ULK4: variants seen among roughly 807,000 people sequenced by gnomAD.
The protein encoded by ULK4 is inactive serine/threonine-protein kinase ULK4.
ULK4 carries 133 observed loss-of-function variants against 160.6 expected under a neutral mutation model. The observed-to-expected ratio is 0.83, with a 90% CI of 0.72 to 0.96. The LOEUF is 0.96. ULK4 is among the 40% of genes least tolerant of loss of function. The pLI, the probability that ULK4 is intolerant of heterozygous loss-of-function variation, is 0.00. For synonymous variants in ULK4, 534 were observed against 539.8 expected (o/e 0.99, Z 0.15); for missense variants, 1,580 against 1,499.5 (o/e 1.05, Z -0.89).
chr3:41,458,152 T>C lies in ULK4; in HGVS notation c.3394-2557A>G, dbSNP rs548042349. On this transcript the variant is annotated intron_variant, in intron 33 of 36. Transcript: ENST00000301831. ...TCTATGGGGCATTCTAGAGGTCATATTGAGCAAGCTGCTAGGTATATGAAT... is the reference window on the plus strand; with the variant it reads ...TCTATGGGGCATTCTAGAGGTCATACTGAGCAAGCTGCTAGGTATATGAAT... Among the ~76,000 whole-genome samples the C allele has an allele frequency of 8.5e-5, 13 of 152,310 alleles. No individual in the cohort carries two copies. The East Asian group carries it at 1.5e-3, about 18-fold the overall frequency.
intron 32 of ULK4, among the ~76,000 whole-genome samples, chr3:41,489,313 C>T (rs2084662149): frequency 6.6e-6 from 1 of 152,206 alleles, no homozygotes; most frequent in South Asian, 2.1e-4. Flanking sequence ...TTATTTCTCA[C>T]TGCCCTGCTG....
intron 35 of ULK4, among the ~76,000 whole-genome samples, chr3:41,393,885 C>A (rs2082003946): frequency 6.6e-6 from 1 of 152,104 alleles, no homozygotes; most frequent in Admixed American, 6.6e-5. Context: ...CTGGAGCAAT[C>A]CAACCTGGGC....
chr3:41,741,118 C>T (rs1401600298), intron 22 of ULK4, among the ~76,000 whole-genome samples: 1 of 151,820 alleles, frequency 6.6e-6, no homozygotes, highest in African/African-American at 2.4e-5. Flanking sequence ...CTAACATTTC[C>T]TTTAGTTTGT....
chr3:41,794,689 C>A (rs148121760), intron 20 of ULK4, among the ~76,000 whole-genome samples: 3,068 of 46,746 alleles, frequency 0.066, 74 homozygotes, highest in Middle Eastern at 0.17. Flanking sequence ...AAAAAAAACA[C>A]AGAAAAAAAA....
intron 35 of ULK4, among the ~76,000 whole-genome samples, chr3:41,329,077 C>T (rs1559527343): frequency 1.3e-5 from 2 of 152,188 alleles, no homozygotes; most frequent in Admixed American, 6.5e-5. Flanking sequence ...TCACTGATAT[C>T]TTCTCTGTCT....
At chr3:41,315,890 A>T (rs1183137972) in intron 35 of ULK4, among the ~76,000 whole-genome samples, 1 of 152,170 alleles carries the variant, frequency 6.6e-6, no homozygotes, top group Non-Finnish European at 1.5e-5. Context: ...ACAGTAACAA[A>T]TGTTGGGGAT....
At chr3:41,615,848 C>T (rs2032936541) in intron 30 of ULK4, 131 bp from the exon 31 acceptor site, 3 of 838,952 alleles carry the variant, frequency 3.6e-6, no homozygotes, top group African/African-American at 1.7e-5. Flanking sequence ...TATGATTAAA[C>T]ATTCTTTTTA....
chr3:41,302,558 C>T (rs750057374), intron 35 of ULK4, among the ~76,000 whole-genome samples: 3 of 152,244 alleles, frequency 2.0e-5, no homozygotes, highest in East Asian at 1.9e-4. Context: ...ATGAAAACTC[C>T]GCATGTTGTA....
rs191801645 is a variant in ULK4 at position 41,823,158 on chromosome 3, G to A, written c.1765-3652C>T. Among the ~76,000 whole-genome samples the A allele has an allele frequency of 9.2e-5, 14 of 152,296 alleles. No individual in the cohort carries two copies. In the East Asian group the frequency reaches 2.7e-3, roughly 29 times the overall value. ...TCCATCTCAGATCACTCAGAGACAG[G>A]GAAAGGCTTTCTGAAGGGATTTTTG... On this transcript the variant is annotated intron_variant, in intron 18 of 36. Transcript: ENST00000301831.
Position 41,754,352 on chromosome 3 carries a change from A to C in ULK4, c.2321+9T>G, listed in dbSNP as rs532779823. The stretch of plus-strand genomic sequence containing the variant: ...AAGTTACTGATGAAACCATCAGAGA[A>C]AATCTTACCTTGCTTGGCAACTGAG... On this transcript the variant is annotated intron_variant, in intron 22 of 36. Coordinates refer to ENST00000301831, the MANE Select transcript of ULK4 (RefSeq NM_017886.4). 2 of 1,607,894 alleles carry C rather than the reference A, an allele frequency of 1.2e-6. No individual in the cohort carries two copies. Among genetic ancestry groups the C allele is most frequent in the African/African-American group, 2.7e-5 (2 of 74,610 alleles).
intron 19 of ULK4, among the ~76,000 whole-genome samples, chr3:41,807,765 C>T (rs1458966390): frequency 6.6e-6 from 1 of 152,136 alleles, no homozygotes; most frequent in Non-Finnish European, 1.5e-5. Context: ...ACACATTTTT[C>T]ATTTCTCAGA....
At chr3:41,261,206 C>T (rs186890534) in intron 35 of ULK4, among the ~76,000 whole-genome samples, 23 of 149,606 alleles carry the variant, frequency 1.5e-4, no homozygotes, top group African/African-American at 5.0e-4. Flanking sequence ...TGGAGTAAAA[C>T]GGCTTGGGAT....
At chr3:41,818,885 T>C (rs1422427214) in intron 19 of ULK4, among the ~76,000 whole-genome samples, 1 of 152,244 alleles carries the variant, frequency 6.6e-6, no homozygotes, top group Non-Finnish European at 1.5e-5. Context: ...GATGAGCTGG[T>C]TGGTTGGCCA....
chr3:41,838,864 C>T (rs1311133224), intron 17 of ULK4, among the ~76,000 whole-genome samples: 1 of 152,072 alleles, frequency 6.6e-6, no homozygotes, highest in Non-Finnish European at 1.5e-5. Flanking sequence ...ATGTGAAATC[C>T]AAAAAAGTGA....
rs76223248 is a variant in ULK4, at chr3:41,776,633, G to C, written c.2193+13028C>G. 1.9e-3 allele frequency among the ~76,000 whole-genome samples: 215 copies of C among 113,542 alleles called. 18 individuals are homozygous for C. Among genetic ancestry groups the C allele is most frequent in the East Asian group, 0.012 (61 of 5,140 alleles). The allele number at this position is 113,542 out of a possible 152,430, so 74.5% of individuals were successfully genotyped here. A position where few individuals can be genotyped will look rare whatever the true frequency, so the allele number is the denominator to read the frequency against. On this transcript the variant is annotated intron_variant, in intron 21 of 36. Transcript: ENST00000301831. ...TTTATTGAAAGTTTTTAGCATGAAG[G>C]GTTGTTGAATTTTGTCAAAGGCTTT... is the stretch of plus-strand genomic sequence containing the variant.
rs11304353 is a variant in ULK4, at chr3:41,676,908, C to CTTTTTTTT, written c.2978+4592_2978+4599dup. On this transcript the variant is annotated intron_variant, in intron 29 of 36. Transcript: ENST00000301831. ...TGGGGTGCCTGCCCCCACCCCCAAC[C>CTTTTTTTT]TTTTTTTTTTTTTTTTTTTTTGAGA... 3.6e-3 allele frequency among the ~76,000 whole-genome samples: 327 copies of CTTTTTTTT among 91,262 alleles called. 12 individuals carry two copies. Among genetic ancestry groups the CTTTTTTTT allele is most frequent in the African/African-American group, 0.013 (309 of 23,002 alleles). 59.9% of individuals were successfully genotyped at this position (91,262 alleles called of 152,430 possible). A position where few individuals can be genotyped will look rare whatever the true frequency, so the allele number is the denominator to read the frequency against.
rs200243418 is a variant in ULK4 at position 41,463,230 on chromosome 3, G to A, written c.3250C>T (p.Leu1084=). ...CACAGTGTGGCAGTTTCAGTGAGCA[G>A]GTTACAGATGTGACTGACAAGTCCT... The part of the protein sequence containing the change: ...EQGLVSHICN[L]LTETATLCLD... Residue 1084 remains leucine, a synonymous_variant, in exon 33 of 37, where the codon CTG becomes TTG. Coordinates refer to ENST00000301831, the MANE Select transcript of ULK4 (RefSeq NM_017886.4). 4.0e-5 allele frequency: 65 copies of A among 1,613,354 alleles called. No homozygotes were observed. The highest frequency in any genetic ancestry group is 3.3e-4 in the Middle Eastern group (2 of 6,054).
intron 18 of ULK4, among the ~76,000 whole-genome samples, chr3:41,832,606 C>A (rs971756643): frequency 1.3e-5 from 2 of 152,052 alleles, no homozygotes; most frequent in Non-Finnish European, 2.9e-5. Context: ...TGTCATTAAG[C>A]CTTTGCCCAT....
chr3:41,690,168 A>G (rs2036243541), intron 27 of ULK4, among the ~76,000 whole-genome samples: 1 of 148,834 alleles, frequency 6.7e-6, no homozygotes, highest in Non-Finnish European at 1.5e-5. Flanking sequence ...GGAAATCATC[A>G]TTCTCAGTAA....
Sources: allele counts gnomAD v4.1 joint callset (sites outside exome capture counted in the v4.1 genomes callset), GRCh38; gene constraint gnomAD v4.1.1; transcripts MANE v1.5; gene names NCBI Gene and HGNC (gene_info 2026-07-23, HGNC 2026-07-21).